The following SLC12A9 variants were observed in gnomAD, a reference collection of about 807,000 sequenced individuals.
SLC12A9 encodes solute carrier family 12 member 9, also known as CCC-interacting protein 1.
A neutral mutation model predicts 66.0 loss-of-function variants in SLC12A9; 55 were observed. The ratio of observed to expected loss-of-function variants is 0.83; its 90% CI spans 0.67 to 1.04. The LOEUF is 1.04. Among genes scored for constraint, SLC12A9 ranks in the 50% least tolerant of loss-of-function variants. The pLI is 0.00. For synonymous variants in SLC12A9, 577 were observed against 569.0 expected (o/e 1.01, Z -0.20); for missense variants, 1,061 against 1,241.9 (o/e 0.85, Z 2.19).
intron 12 of SLC12A9, 77 bp from the exon 13 acceptor site, chr7:100,862,604 C>G (rs1449564823): frequency 1.3e-6 from 2 of 1,559,706 alleles, no homozygotes; most frequent in Non-Finnish European, 1.8e-6. Context: ...CTGCCCAGGC[C>G]CGTCTGTGAT....
At position 100,858,817 on chromosome 7, in the gene SLC12A9, C is replaced by G. The variant is rs754043612; in HGVS notation, c.758-18C>G. 6.2e-7 allele frequency: 1 copy of G among 1,613,458 alleles called. No homozygotes were observed. Among genetic ancestry groups the G allele is most frequent in the East Asian group, 2.2e-5 (1 of 44,880 alleles). On this transcript the variant is annotated intron_variant, in intron 5 of 13. Transcript: ENST00000354161. ...GACGGATGCTGATGCACTCTCCTCC[C>G]TGGGAGGATCCTCCTAGCTGGCTAT...
chr7:100,836,983 G>A (rs572195697), intron 1 of SLC12A9, among the ~76,000 whole-genome samples: 5 of 152,288 alleles, frequency 3.3e-5, no homozygotes, highest in African/African-American at 9.6e-5. Flanking sequence ...GTGTGTTCCA[G>A]GATCTGGGAT....
At chr7:100,856,117 G>A in intron 4 of SLC12A9, 1 of 260,648 alleles carries the variant, frequency 3.8e-6, no homozygotes, top group Non-Finnish European at 7.1e-6. Context: ...ATGGAGCTAA[G>A]AGGGAAGTGG....
upstream of SLC12A9, among the ~76,000 whole-genome samples, chr7:100,850,347 T>C (rs1814038125): frequency 6.7e-6 from 1 of 149,852 alleles, no homozygotes; most frequent in African/African-American, 2.5e-5. Flanking sequence ...ACAGCCTCCA[T>C]CCTCCCACCT....
At chr7:100,865,054 T>G (rs912288020) in intron 13 of SLC12A9, among the ~76,000 whole-genome samples, 2 of 151,972 alleles carry the variant, frequency 1.3e-5, no homozygotes, top group Admixed American at 1.3e-4. Flanking sequence ...ACCTTCCGGG[T>G]TCAGGCAATT....
chr7:100,855,957 G>A, intron 4 of SLC12A9, 120 bp downstream of exon 4: 2 of 1,451,348 alleles, frequency 1.4e-6, no homozygotes, highest in South Asian at 2.8e-5. Flanking sequence ...TTGGCTTTCT[G>A]GAGCTTCTGC....
intron 1 of SLC12A9, among the ~76,000 whole-genome samples, chr7:100,839,949 CAAAA>C (rs76035431): frequency 5.9e-5 from 5 of 84,656 alleles, no homozygotes; most frequent in East Asian, 3.4e-4. Context: ...GACTCCGTCT[CAAAA>C]AAAAAAAAAA....
rs767976058 is a variant in SLC12A9, at chr7:100,840,655, CAG to C, written n.228+13614_228+13615del. Among the ~76,000 whole-genome samples, 3 of 149,032 alleles carry C rather than the reference CAG, an allele frequency of 2.0e-5. No homozygotes were observed. In the Admixed American group the frequency reaches 2.0e-4, roughly 10 times the overall value. ...AGGGAGTCAAGGAGAGAGAGAAAGACAGAGAGAAAGAAATGCAGAGAGAGAGA... is the reference window on the plus strand; with the variant it reads ...AGGGAGTCAAGGAGAGAGAGAAAGACAGAGAAAGAAATGCAGAGAGAGAGA... On this transcript the variant is annotated intron_variant and non_coding_transcript_variant, in intron 1 of 1. Transcript: ENST00000461016.
At position 100,854,192 on chromosome 7, in the gene SLC12A9, T is replaced by C. The variant is rs529215944; in HGVS notation, c.-6T>C. On this transcript the variant is annotated 5_prime_UTR_variant, in exon 2 of 14. Coordinates refer to ENST00000354161, the MANE Select transcript of SLC12A9 (RefSeq NM_020246.4). ...CATTTGTGGCTTCCTCTACCTGTGC[T>C]CAGCCATGGCCAGCGAGAGCTCACC... 7.7e-6 allele frequency: 12 copies of C among 1,558,216 alleles called. No individual in the cohort carries two copies. In the South Asian group the frequency reaches 1.4e-4, roughly 18 times the overall value.
chr7:100,854,401 G>A (rs768552252), intron 2 of SLC12A9, 23 bp downstream of exon 2: 1 of 1,610,050 alleles, frequency 6.2e-7, no homozygotes, highest in South Asian at 1.1e-5. Flanking sequence ...TGGGGCGGGT[G>A]TGGACTGACT....
chr7:100,862,307 G>A (rs532824765), intron 12 of SLC12A9, among the ~76,000 whole-genome samples: 1 of 152,198 alleles, frequency 6.6e-6, no homozygotes, highest in East Asian at 1.9e-4. Flanking sequence ...CACCCAGGCT[G>A]GAGAGCAGTG....
At chr7:100,864,630 G>C (rs1276207181) in intron 13 of SLC12A9, among the ~76,000 whole-genome samples, 1 of 152,188 alleles carries the variant, frequency 6.6e-6, no homozygotes, top group Non-Finnish European at 1.5e-5. Flanking sequence ...CACGTGCCCA[G>C]CTCGGTGGCT....
Position 100,866,485 on chromosome 7 carries a change from GCCGCCAGCCGATC to G in SLC12A9, c.2631_2643del (p.Ala878AspfsTer12). ...CCCTCACCTTCCTGTACTTGCCTCG[GCCGCCAGCCGATC>G]CCGCCCGATACCCCCGCTACCTGGC... On this transcript the variant is annotated frameshift_variant, in exon 14 of 14. Coordinates refer to ENST00000354161, the MANE Select transcript of SLC12A9 (RefSeq NM_020246.4). LOFTEE classifies it high-confidence loss of function. The surrounding 1 kb of genome is among the most constrained non-coding windows in gnomAD (Gnocchi z 7.3). 1 of 1,553,368 alleles carries G rather than the reference GCCGCCAGCCGATC, an allele frequency of 6.4e-7. No individual in the cohort carries two copies. The highest frequency in any genetic ancestry group is 8.7e-7 in the Non-Finnish European group (1 of 1,149,522).
At chr7:100,829,534 C>T (rs921985266) in intron 1 of SLC12A9, among the ~76,000 whole-genome samples, 1 of 151,994 alleles carries the variant, frequency 6.6e-6, no homozygotes, top group Non-Finnish European at 1.5e-5. Context: ...GGCCGGTCAC[C>T]GAGGGCAGGA....
intron 9 of SLC12A9, chr7:100,860,760 T>G (rs1814697767): frequency 7.7e-6 from 3 of 390,466 alleles, no homozygotes; most frequent in Non-Finnish European, 1.5e-5. Flanking sequence ...TGGCACTCTC[T>G]GGGGTTCATT....
intron 1 of SLC12A9, among the ~76,000 whole-genome samples, chr7:100,833,016 T>C (rs1179870750): frequency 6.6e-6 from 1 of 152,096 alleles, no homozygotes; most frequent in East Asian, 1.9e-4. Context: ...GCTCAAGTGA[T>C]TGTCTAGCCT....
At position 100,861,241 on chromosome 7, in the gene SLC12A9, G is replaced by A. The variant is rs754395688; in HGVS notation, c.1322G>A (p.Trp441Ter). 1 of 1,614,206 alleles carries A rather than the reference G, an allele frequency of 6.2e-7. No individual in the cohort carries two copies. Among genetic ancestry groups the A allele is most frequent in the Non-Finnish European group, 8.5e-7 (1 of 1,180,028 alleles). Reference protein sequence around the residue: ...AVDLSCLSLEWASAPNFRPTF... With the variant: ...AVDLSCLSLE ...GACCTGTCCTGCCTGAGCCTGGAGT[G>A]GGCCTCGGCCCCCAACTTCCGGTGA... is the stretch of plus-strand genomic sequence containing the variant. Residue 441 changes from tryptophan (W) to a stop codon, truncating the protein, a stop_gained, in exon 10 of 14, where the codon TGG becomes TAG. Transcript: ENST00000354161. LOFTEE classifies it high-confidence loss of function. The surrounding 1 kb of genome is among the most constrained non-coding windows in gnomAD (Gnocchi z 5.3).
chr7:100,845,794 C>T (rs981591733), intron 1 of SLC12A9, among the ~76,000 whole-genome samples: 1 of 152,132 alleles, frequency 6.6e-6, no homozygotes, highest in African/African-American at 2.4e-5. Context: ...GAGAATCATA[C>T]AATATTATAG....
chr7:100,861,133 C>T lies in SLC12A9; in HGVS notation c.1219-5C>T, dbSNP rs747821588. The stretch of plus-strand genomic sequence containing the variant: ...ACAACGGCACGCCTCTTGGCCCTTG[C>T]CCAGCTGGTGCTCCTGGCTGGGAAG... On this transcript the variant is annotated splice_polypyrimidine_tract_variant and splice_region_variant and intron_variant, in intron 9 of 13. Transcript: ENST00000354161. This position sits in a 1 kb window ranked among gnomAD's most constrained non-coding sequence, Gnocchi z 5.3. The T allele has an allele frequency of 3.1e-6, 5 of 1,614,192 alleles. No individual in the cohort carries two copies. The Admixed American group carries it at 6.7e-5, about 22-fold the overall frequency.
Sources: gnomAD v4.1 joint callset for allele counts (sites outside exome capture counted in the v4.1 genomes callset) on GRCh38, gnomAD v4.1.1 for gene constraint, Gnocchi (gnomAD v3.1) non-coding constraint, MANE v1.5 for transcripts, NCBI Gene and HGNC (gene_info 2026-07-23, HGNC 2026-07-21) for gene names.